Variants in MCC observed in about 807,000 individuals in gnomAD.
The protein encoded by MCC is MCC regulator of Wnt signaling pathway.
MCC carries 90 observed loss-of-function variants against 116.2 expected under a neutral mutation model. The observed-to-expected ratio is 0.77, with a 90% confidence interval of 0.65 to 0.92. The LOEUF is 0.92. Among genes scored for constraint, MCC ranks in the 40% least tolerant of loss-of-function variants. The probability of loss-of-function intolerance (pLI) is 0.00; values close to 1 mark genes in which losing one functional copy is unlikely to be tolerated. For missense variants in MCC, 1,516 were observed against 1,312.2 expected (o/e 1.16, Z -2.40); for synonymous variants, 578 against 510.5 (o/e 1.13, Z -1.78).
chr5:113,396,093 C>A (rs775501527), intron 1 of MCC, among the ~76,000 whole-genome samples: 1 of 151,954 alleles, frequency 6.6e-6, no homozygotes, highest in African/African-American at 2.4e-5. Flanking sequence ...TTTGGGAGGC[C>A]GAGGCAGGAG....
intron 3 of MCC, among the ~76,000 whole-genome samples, chr5:113,218,512 T>C (rs775257613): frequency 2.8e-4 from 42 of 152,266 alleles, no homozygotes; most frequent in Admixed American, 7.8e-4. Context: ...GGTTTTCTCC[T>C]CCTTCACTAC....
At chr5:113,229,826 G>T (rs866587616) in intron 3 of MCC, among the ~76,000 whole-genome samples, 1 of 152,188 alleles carries the variant, frequency 6.6e-6, no homozygotes, top group Admixed American at 6.5e-5. Flanking sequence ...TGTAGCATAG[G>T]AGCAACAGGC....
chr5:113,292,373 A>G (rs2150361573), intron 3 of MCC, among the ~76,000 whole-genome samples: 1 of 152,346 alleles, frequency 6.6e-6, no homozygotes. Flanking sequence ...AGCAAGCAAA[A>G]AATGAATGAG....
At chr5:113,092,840 T>G (rs980313502) in intron 8 of MCC, among the ~76,000 whole-genome samples, 1 of 152,168 alleles carries the variant, frequency 6.6e-6, no homozygotes, top group Non-Finnish European at 1.5e-5. Flanking sequence ...ACTCAGCAGT[T>G]TCACTCCTGG....
intron 3 of MCC, among the ~76,000 whole-genome samples, chr5:113,304,495 A>G (rs575162050): frequency 2.6e-4 from 39 of 152,342 alleles, no homozygotes; most frequent in African/African-American, 8.2e-4. Flanking sequence ...GTCATTTGGC[A>G]TCAACATCTC....
intron 8 of MCC, among the ~76,000 whole-genome samples, chr5:113,091,133 A>G (rs892700664): frequency 2.0e-5 from 3 of 152,260 alleles, no homozygotes; most frequent in African/African-American, 7.2e-5. Flanking sequence ...GAGGCTGTGC[A>G]GCGGAGTCAA....
At position 113,022,635 on chromosome 5, in the gene MCC, T is replaced by C. The variant is rs1353089429; in HGVS notation, c.*4667A>G. 6.6e-6 allele frequency: 1 copy of C among 152,254 alleles called. No homozygotes were observed. The highest frequency in any genetic ancestry group is 6.5e-5 in the Admixed American group (1 of 15,284). The allele number at this position is 152,254 out of a possible 1,614,324, so 9.4% of individuals were successfully genotyped here. ...CACTATAAGTGAATACTATGAGTTCTACAAACAGAACATTTTTCCACATGA... is the reference window on the plus strand; with the variant it reads ...CACTATAAGTGAATACTATGAGTTCCACAAACAGAACATTTTTCCACATGA... On this transcript the variant is annotated 3_prime_UTR_variant, in exon 19 of 19. Coordinates refer to ENST00000408903, the MANE Select transcript of MCC (RefSeq NM_001085377.2).
chr5:113,069,909 C>T (rs1753916129), intron 12 of MCC, among the ~76,000 whole-genome samples: 2 of 152,162 alleles, frequency 1.3e-5, no homozygotes, highest in South Asian at 4.1e-4. Flanking sequence ...TTTTCATTGT[C>T]CTTTACTAAG....
At chr5:113,029,126 AGTG>A (rs1185333645) in intron 17 of MCC, 70 bp from the exon 18 acceptor site, 12 of 1,478,726 alleles carry the variant, frequency 8.1e-6, no homozygotes, top group African/African-American at 1.4e-5. Flanking sequence ...CTCCCTGGGA[AGTG>A]GTGACAGAAA....
intron 3 of MCC, among the ~76,000 whole-genome samples, chr5:113,181,721 G>A (rs1435661148): frequency 1.3e-5 from 2 of 152,130 alleles, no homozygotes; most frequent in African/African-American, 2.4e-5. Context: ...AAACCAAAAT[G>A]AAGATCATCT....
chr5:113,121,086 G>A (rs1436649995), intron 6 of MCC, among the ~76,000 whole-genome samples: 3 of 152,082 alleles, frequency 2.0e-5, no homozygotes, highest in Admixed American at 6.5e-5. Context: ...ACCTTCAATC[G>A]GTTTCCAATC....
rs146718609 is a variant in MCC at position 113,026,904 on chromosome 5, G to C, written c.*398C>G. On this transcript the variant is annotated 3_prime_UTR_variant, in exon 19 of 19. Coordinates refer to ENST00000408903, the MANE Select transcript of MCC (RefSeq NM_001085377.2). ...AGGAAAGAGGAGAAACGAGATTCTA[G>C]AAGATGAGCCCAGCATCTACCAAAA... 4.9e-3 allele frequency: 819 copies of C among 166,460 alleles called. 3 individuals carry two copies. The highest frequency in any genetic ancestry group is 7.9e-3 in the Admixed American group (125 of 15,908). The allele number at this position is 166,460 out of a possible 1,614,324, so 10.3% of individuals were successfully genotyped here. A position where few individuals can be genotyped will look rare whatever the true frequency, so the allele number is the denominator to read the frequency against.
chr5:113,117,130 C>G (rs1040790024), intron 6 of MCC, among the ~76,000 whole-genome samples: 3 of 152,204 alleles, frequency 2.0e-5, no homozygotes, highest in African/African-American at 7.2e-5. Flanking sequence ...ACACATTTCT[C>G]CAGGTCTGCA....
chr5:113,133,249 A>T (rs1038027332), intron 5 of MCC, among the ~76,000 whole-genome samples: 1 of 152,008 alleles, frequency 6.6e-6, no homozygotes, highest in Non-Finnish European at 1.5e-5. Flanking sequence ...CTATCTACCT[A>T]TATTTTTGTA....
intron 3 of MCC, among the ~76,000 whole-genome samples, chr5:113,190,376 C>G (rs1460713942): frequency 1.3e-5 from 2 of 152,162 alleles, no homozygotes; most frequent in Non-Finnish European, 2.9e-5. Flanking sequence ...TCCAGGCTCT[C>G]TGGCCTACAT....
chr5:113,038,033 C>T (rs1228152789), intron 17 of MCC, among the ~76,000 whole-genome samples: 3 of 152,042 alleles, frequency 2.0e-5, no homozygotes, highest in African/African-American at 7.2e-5. Context: ...CCCATTAGGA[C>T]ACTACTCTCT....
chr5:113,165,369 C>T (rs1254586074), intron 3 of MCC, among the ~76,000 whole-genome samples: 1 of 152,238 alleles, frequency 6.6e-6, no homozygotes, highest in African/African-American at 2.4e-5. Flanking sequence ...CTTCCCCCTA[C>T]CTACAAGAAA....
At chr5:113,487,467 G>A (rs974691780) in intron 1 of MCC, among the ~76,000 whole-genome samples, 7 of 152,220 alleles carry the variant, frequency 4.6e-5, no homozygotes, top group Non-Finnish European at 5.9e-5. Context: ...TAATTATTTG[G>A]CCAAGCCGGG....
intron 10 of MCC, among the ~76,000 whole-genome samples, 191 bp from the exon 11 acceptor site, chr5:113,083,199 GA>G (rs60576880): frequency 4.7e-5 from 7 of 149,136 alleles, no homozygotes; most frequent in African/African-American, 7.3e-5. Flanking sequence ...AAAAGCAGTA[GA>G]AAAAAAAAAC....
Sources: allele counts gnomAD v4.1 joint callset (sites outside exome capture counted in the v4.1 genomes callset), GRCh38; gene constraint gnomAD v4.1.1; transcripts MANE v1.5; gene names NCBI Gene and HGNC (gene_info 2026-07-23, HGNC 2026-07-21).